Variants in SGCD observed in about 807,000 individuals in gnomAD.
SGCD encodes sarcoglycan delta.
In SGCD, 18 loss-of-function variants were observed where a neutral mutation model predicts 36.6. The observed-to-expected ratio is 0.49, with a 90% CI of 0.34 to 0.73. The LOEUF is 0.73. Among genes scored for constraint, SGCD ranks in the 30% least tolerant of loss-of-function variants. SGCD has a pLI of 0.01. For missense variants in SGCD, 387 were observed against 346.7 expected (o/e 1.12, Z -0.92); for synonymous variants, 133 against 130.6 (o/e 1.02, Z -0.12).
At chr5:156,518,784 A>G (rs1223951239) in intron 4 of SGCD, among the ~76,000 whole-genome samples, 1 of 152,222 alleles carries the variant, frequency 6.6e-6, no homozygotes, top group Non-Finnish European at 1.5e-5. Flanking sequence ...TAAGTCAGAA[A>G]TCAAATTCTT....
At chr5:156,193,835 G>A (rs554363299) in intron 3 of SGCD, among the ~76,000 whole-genome samples, 1 of 152,138 alleles carries the variant, frequency 6.6e-6, no homozygotes, top group African/African-American at 2.4e-5. Flanking sequence ...TCGCAAACAG[G>A]TTCCATGGAA....
At chr5:156,643,375 T>G (rs1162112103) in intron 6 of SGCD, among the ~76,000 whole-genome samples, 1 of 152,030 alleles carries the variant, frequency 6.6e-6, no homozygotes, top group Non-Finnish European at 1.5e-5. Flanking sequence ...TAGTGGAGGA[T>G]ACTATATTAT....
At chr5:156,471,534 A>G (rs1754963401) in intron 3 of SGCD, among the ~76,000 whole-genome samples, 1 of 152,134 alleles carries the variant, frequency 6.6e-6, no homozygotes, top group Non-Finnish European at 1.5e-5. Flanking sequence ...TTTCTATGAG[A>G]GTGCTAAGGT....
intron 1 of SGCD, among the ~76,000 whole-genome samples, chr5:156,019,289 C>T (rs1759049458): frequency 6.6e-6 from 1 of 152,158 alleles, no homozygotes; most frequent in Non-Finnish European, 1.5e-5. Flanking sequence ...ATATGCTACG[C>T]TACTTCTAGG....
At chr5:156,227,440 A>C (rs1220334460) in intron 3 of SGCD, among the ~76,000 whole-genome samples, 1 of 152,046 alleles carries the variant, frequency 6.6e-6, no homozygotes, top group East Asian at 1.9e-4. Context: ...TGGGTTCTCT[A>C]TTCTGTTATA....
intron 3 of SGCD, among the ~76,000 whole-genome samples, chr5:156,441,930 C>T (rs919170506): frequency 6.6e-6 from 1 of 152,146 alleles, no homozygotes; most frequent in African/African-American, 2.4e-5. Flanking sequence ...ACTGTGCACT[C>T]ACTGTCATCA....
intron 3 of SGCD, among the ~76,000 whole-genome samples, chr5:156,126,934 A>T (rs1020420287): frequency 6.6e-6 from 1 of 152,228 alleles, no homozygotes; most frequent in Non-Finnish European, 1.5e-5. Flanking sequence ...TCTTGGAGAA[A>T]GGTCCAGAAA....
At chr5:156,078,214 T>C (rs1165433449) in intron 1 of SGCD, among the ~76,000 whole-genome samples, 1 of 151,988 alleles carries the variant, frequency 6.6e-6, no homozygotes, top group African/African-American at 2.4e-5. Flanking sequence ...TCCCATGCAG[T>C]TGTCAGAAAT....
intron 6 of SGCD, among the ~76,000 whole-genome samples, chr5:156,631,421 C>A (rs193098762): frequency 1.3e-5 from 2 of 149,964 alleles, no homozygotes; most frequent in African/African-American, 4.9e-5. Context: ...ATACCCAAAT[C>A]GAGCTAAAAA....
rs1025327027 is a variant in SGCD, at chr5:156,360,047, G to A, written c.192+15370G>A. On this transcript the variant is annotated intron_variant, in intron 3 of 8. Transcript: ENST00000337851. ...CCATAGTGCAAAGTGATAGTGACAG[G>A]AGCAGCCAAATGTCCAGGCAGACAG... is the stretch of plus-strand genomic sequence containing the variant. Among the ~76,000 whole-genome samples, 7 of 152,192 alleles carry A rather than the reference G, an allele frequency of 4.6e-5. No individual in the cohort carries two copies. In the South Asian group the frequency reaches 1.5e-3, roughly 32 times the overall value.
intron 3 of SGCD, among the ~76,000 whole-genome samples, chr5:156,426,696 T>C (rs533282859): frequency 1.4e-4 from 22 of 152,284 alleles, no homozygotes; most frequent in East Asian, 1.2e-3. Flanking sequence ...TGGTTTCAGC[T>C]CTTAGATTTA....
chr5:156,293,365 T>G (rs1348078353), intron 3 of SGCD, among the ~76,000 whole-genome samples: 3 of 152,184 alleles, frequency 2.0e-5, no homozygotes, highest in Non-Finnish European at 4.4e-5. Flanking sequence ...TGCCTTTGCC[T>G]TTGGTGTCAT....
At chr5:156,349,303 T>A (rs553797712) in intron 3 of SGCD, among the ~76,000 whole-genome samples, 1 of 151,902 alleles carries the variant, frequency 6.6e-6, no homozygotes, top group African/African-American at 2.4e-5. Context: ...GAAATAGTAA[T>A]CAGAATTAAC....
chr5:156,743,108 CTTTT>C (rs56296250), intron 7 of SGCD, among the ~76,000 whole-genome samples: 12 of 110,308 alleles, frequency 1.1e-4, no homozygotes, highest in African/African-American at 1.4e-4. Context: ...CTTCCTACAT[CTTTT>C]TTTTTTTTTT....
At chr5:156,740,069 G>C (rs906153614) in intron 7 of SGCD, among the ~76,000 whole-genome samples, 9 of 152,190 alleles carry the variant, frequency 5.9e-5, no homozygotes, top group Admixed American at 1.3e-4. Flanking sequence ...TGAGTCACAA[G>C]TGTTGCAGGA....
chr5:155,891,473 T>C (rs1756127315), intron 1 of SGCD, among the ~76,000 whole-genome samples: 1 of 151,646 alleles, frequency 6.6e-6, no homozygotes, highest in Non-Finnish European at 1.5e-5. Flanking sequence ...TCTAATTAAC[T>C]CCTGCTTTTT....
At chr5:156,634,533 C>T (rs969687381) in intron 6 of SGCD, among the ~76,000 whole-genome samples, 57 of 152,156 alleles carry the variant, frequency 3.7e-4, no homozygotes, top group African/African-American at 1.3e-3. Flanking sequence ...GAACTCTTAT[C>T]TACTGAATGA....
rs183472465 is a variant in SGCD, at chr5:155,980,655, A to G, written c.-282+110231A>G. On this transcript the variant is annotated intron_variant, in intron 1 of 9. Transcript: ENST00000517913. ...AAAAAAAAGAGTTCTTACTGATAGC[A>G]TAGACATCTCTGGAAGGCCGCTTAG... 2.1e-3 allele frequency among the ~76,000 whole-genome samples: 294 copies of G among 143,300 alleles called. 3 individuals carry two copies. The highest frequency in any genetic ancestry group is 7.4e-3 in the African/African-American group (286 of 38,704). 94.0% of individuals were successfully genotyped at this position (143,300 alleles called of 152,430 possible).
the SGCD span, among the ~76,000 whole-genome samples, chr5:155,739,925 G>T: frequency 6.6e-6 from 1 of 152,034 alleles, no homozygotes; most frequent in Admixed American, 6.6e-5. Flanking sequence ...TAGAATAATT[G>T]AAATTATAGC....
Sources: gnomAD v4.1 joint callset for allele counts (sites outside exome capture counted in the v4.1 genomes callset) on GRCh38, gnomAD v4.1.1 for gene constraint, MANE v1.5 for transcripts, NCBI Gene and HGNC (gene_info 2026-07-23, HGNC 2026-07-21) for gene names.